MRC1: variants seen among roughly 807,000 people sequenced by gnomAD.
MRC1 encodes the protein mannose receptor C-type 1.
MRC1 carries 62 observed loss-of-function variants against 102.9 expected under a neutral mutation model. That is an observed-to-expected ratio of 0.60 (90% confidence interval 0.49 to 0.74). The LOEUF (loss-of-function observed/expected upper bound fraction) is 0.74. MRC1 is among the 30% of genes least tolerant of loss of function. The pLI, the probability that MRC1 is intolerant of heterozygous loss-of-function variation, is 0.00. For synonymous variants in MRC1, 457 were observed against 298.4 expected, an observed-to-expected ratio of 1.53 and a Z score of -5.48; for missense variants, 1,237 against 862.8, an observed-to-expected ratio of 1.43 and a Z score of -5.43.
chr10:17,809,546 G>A lies in MRC1; in HGVS notation c.61+20G>A. On this transcript the variant is annotated intron_variant, in intron 1 of 29. Coordinates refer to ENST00000569591, the MANE Select transcript of MRC1 (RefSeq NM_002438.4). ...TACTGGGTAAGTCTGCTCTGAGGCA[G>A]GGGATCTCTGACCTGGGGGGCCGGA... The A allele has an allele frequency of 1.1e-6, 1 of 872,744 alleles. No individual in the cohort carries two copies. The highest frequency in any genetic ancestry group is 2.0e-6 in the Non-Finnish European group (1 of 501,492). The allele number at this position is 872,744 out of a possible 1,614,324, so 54.1% of individuals were successfully genotyped here. A position where few individuals can be genotyped will look rare whatever the true frequency, so the allele number is the denominator to read the frequency against.
chr10:17,814,981 A>G (rs1838288782), intron 1 of MRC1, among the ~76,000 whole-genome samples: 1 of 151,906 alleles, frequency 6.6e-6, no homozygotes. Flanking sequence ...CTCTTTCTGC[A>G]CTGCTGCAAC....
Position 17,872,031 on chromosome 10 carries a change from T to C in MRC1, c.2249T>C (p.Val750Ala). The change falls in exon 15 of 30, where the codon GTT (valine) becomes GCT (alanine). Residue 750 changes from valine to alanine, a missense_variant. Val to Ala is a moderately conservative substitution (Grantham distance 64). Coordinates refer to ENST00000569591, the MANE Select transcript of MRC1 (RefSeq NM_002438.4). ...AYGEPNNYQN[V>A]EYCGELKGDP... ...GGAGAACCTAATAATTATCAAAATG[T>C]TGAATACTGTGGTGAGCTGAAAGGT... The C allele has an allele frequency of 1.3e-6, 1 of 780,678 alleles. No individual in the cohort carries two copies. Among genetic ancestry groups the C allele is most frequent in the South Asian group, 1.3e-5 (1 of 74,614 alleles). 48.4% of individuals were successfully genotyped at this position (780,678 alleles called of 1,614,324 possible).
chr10:17,809,959 G>A (rs1047932372), intron 1 of MRC1, among the ~76,000 whole-genome samples: 5 of 152,128 alleles, frequency 3.3e-5, no homozygotes, highest in Admixed American at 6.5e-5. Context: ...GTCTCCCCGC[G>A]TCTTAGGTCC....
intron 2 of MRC1, among the ~76,000 whole-genome samples, chr10:17,825,554 A>C (rs1838462870): frequency 6.6e-6 from 1 of 152,180 alleles, no homozygotes; most frequent in Non-Finnish European, 1.5e-5. Context: ...CAGTTTGGGC[A>C]ACCTAGTGAG....
intron 4 of MRC1, among the ~76,000 whole-genome samples, chr10:17,839,542 G>T (rs1554839715): frequency 6.6e-6 from 1 of 152,048 alleles, no homozygotes; most frequent in East Asian, 1.9e-4. Context: ...GTACAGTGGT[G>T]TGTACCCTGT....
chr10:17,905,277 C>T (rs1308300826), intron 26 of MRC1, among the ~76,000 whole-genome samples: 1 of 152,172 alleles, frequency 6.6e-6, no homozygotes, highest in African/African-American at 2.4e-5. Flanking sequence ...CACTATAAAA[C>T]TCACTATCAT....
At chr10:17,891,257 C>G (rs1285013707) in intron 22 of MRC1, among the ~76,000 whole-genome samples, 1 of 151,710 alleles carries the variant, frequency 6.6e-6, no homozygotes, top group Non-Finnish European at 1.5e-5. Flanking sequence ...AGCACCGCCT[C>G]CCGGGTTCAC....
At position 17,840,756 on chromosome 10, in the gene MRC1, G is replaced by T. The variant is rs1175399625; in HGVS notation, c.866G>T (p.Gly289Val). ...IGLNSLSFNSGWQWSDRSPFR... is the reference protein window; with the variant it reads ...IGLNSLSFNSVWQWSDRSPFR... ...CTTAACAGTCTGAGCTTCAACAGCG[G>T]TTGGCAGTGGAGTGACCGCAGTCCT... The change falls in exon 5 of 30, where the codon GGT becomes GTT. Residue 289 changes from glycine to valine, a missense_variant. Gly to Val is a moderately radical substitution (Grantham distance 109). Transcript: ENST00000569591. 1.3e-6 allele frequency: 1 copy of T among 780,738 alleles called. No individual in the cohort carries two copies. The highest frequency in any genetic ancestry group is 2.4e-6 in the Non-Finnish European group (1 of 417,954). The allele number at this position is 780,738 out of a possible 1,614,324, so 48.4% of individuals were successfully genotyped here. A position where few individuals can be genotyped will look rare whatever the true frequency, so the allele number is the denominator to read the frequency against.
At chr10:17,855,607 T>C (rs1189633819) in intron 8 of MRC1, among the ~76,000 whole-genome samples, 4 of 139,190 alleles carry the variant, frequency 2.9e-5, no homozygotes, top group Admixed American at 7.3e-5. Context: ...AGAGGCTGCA[T>C]GCAAACCTCT....
intron 5 of MRC1, among the ~76,000 whole-genome samples, chr10:17,841,861 C>T (rs1838757727): frequency 6.6e-6 from 1 of 151,936 alleles, no homozygotes; most frequent in Non-Finnish European, 1.5e-5. Context: ...TGGGCCATAC[C>T]ATTATAATAC....
At position 17,873,772 on chromosome 10, in the gene MRC1, CTT is replaced by C. The variant is rs1245870350; in HGVS notation, c.2345-11_2345-10del. 5 of 872,316 alleles carry C rather than the reference CTT, an allele frequency of 5.7e-6. No homozygotes were observed. Among genetic ancestry groups the C allele is most frequent in the Middle Eastern group, 2.2e-4 (1 of 4,626 alleles). The allele number at this position is 872,316 out of a possible 1,614,324, so 54.0% of individuals were successfully genotyped here. ...AAGTACACTTTATTTCTATTTTTCT[CTT>C]GTTTTACAGGACAAACACCAAAACC... On this transcript the variant is annotated splice_polypyrimidine_tract_variant and intron_variant, in intron 15 of 29. Transcript: ENST00000569591.
intron 6 of MRC1, among the ~76,000 whole-genome samples, chr10:17,849,179 G>A (rs1838873724): frequency 6.6e-6 from 1 of 151,644 alleles, no homozygotes; most frequent in Non-Finnish European, 1.5e-5. Context: ...CTTATGCCCT[G>A]TAGTAGCAGC....
chr10:17,880,616 C>G lies in MRC1; in HGVS notation c.2811C>G (p.Thr937=), dbSNP rs574666822. ...TCAATGCTACCACAGTTATGCCTAC[C>G]ATGCCCTCGGTCCCATCAGGGTGCA... ...SSINATTVMP[T]MPSVPSGCKE... is the part of the protein sequence containing the mutation. The change falls in exon 20 of 30, where the codon ACC becomes ACG. Residue 937 remains threonine, a synonymous_variant. Coordinates refer to ENST00000569591, the MANE Select transcript of MRC1 (RefSeq NM_002438.4). 333 of 780,826 alleles carry G rather than the reference C, an allele frequency of 4.3e-4. 2 individuals carry two copies. The East Asian group carries it at 7.6e-3, about 18-fold the overall frequency. The allele number at this position is 780,826 out of a possible 1,614,324, so 48.4% of individuals were successfully genotyped here.
chr10:17,827,959 G>T (rs1424267325), intron 3 of MRC1, among the ~76,000 whole-genome samples: 1 of 152,184 alleles, frequency 6.6e-6, no homozygotes, highest in African/African-American at 2.4e-5. Flanking sequence ...TGTGTATTTT[G>T]ATTTTGCCAG....
At chr10:17,869,044 A>G (rs1438344353) in intron 12 of MRC1, among the ~76,000 whole-genome samples, 1 of 152,176 alleles carries the variant, frequency 6.6e-6, no homozygotes, top group Non-Finnish European at 1.5e-5. Flanking sequence ...GAGAATCAGC[A>G]GTTTTACCCA....
intron 7 of MRC1, among the ~76,000 whole-genome samples, chr10:17,850,459 A>T (rs936356861): frequency 6.6e-6 from 1 of 152,082 alleles, no homozygotes; most frequent in Non-Finnish European, 1.5e-5. Context: ...TTTTTTAAAG[A>T]AATGTATGTC....
intron 8 of MRC1, among the ~76,000 whole-genome samples, chr10:17,855,593 A>AAAAAAT (rs1833076628): frequency 1.3e-5 from 2 of 150,732 alleles, no homozygotes; most frequent in Non-Finnish European, 3.0e-5. Flanking sequence ...AAAAAAAAAA[A>AAAAAAT]AAAAGAGGCT....
At chr10:17,847,232 T>C (rs1484839993) in intron 6 of MRC1, among the ~76,000 whole-genome samples, 1 of 152,244 alleles carries the variant, frequency 6.6e-6, no homozygotes. Context: ...AAGAGGAGAA[T>C]AGTTACTTTA....
At chr10:17,823,553 C>T (rs1324782863) in intron 2 of MRC1, 78 bp downstream of exon 2, 15 of 775,096 alleles carry the variant, frequency 1.9e-5, no homozygotes, top group African/African-American at 5.1e-5. Flanking sequence ...AGAAAATCAT[C>T]ATGTTCTTGT....
Sources: allele counts gnomAD v4.1 joint callset (sites outside exome capture counted in the v4.1 genomes callset), GRCh38; gene constraint gnomAD v4.1.1; transcripts MANE v1.5; gene names NCBI Gene and HGNC (gene_info 2026-07-23, HGNC 2026-07-21).